RSPO2: variants seen among roughly 807,000 people sequenced by gnomAD.
RSPO2 encodes the protein R-spondin-2.
RSPO2 carries 14 observed loss-of-function variants against 30.9 expected under a neutral mutation model. The ratio of observed to expected loss-of-function variants is 0.45; its 90% CI spans 0.30 to 0.71. The LOEUF (loss-of-function observed/expected upper bound fraction) is 0.71. RSPO2 is among the 30% of genes least tolerant of loss of function. The probability of loss-of-function intolerance (pLI) is 0.08; values close to 1 mark genes in which losing one functional copy is unlikely to be tolerated. For missense variants in RSPO2, 264 were observed against 301.9 expected (o/e 0.87, Z 0.93); for synonymous variants, 107 against 96.4 (o/e 1.11, Z -0.64).
intron 5 of RSPO2, among the ~76,000 whole-genome samples, chr8:107,907,318 C>T (rs971138490): frequency 3.3e-5 from 5 of 151,918 alleles, no homozygotes; most frequent in Admixed American, 1.3e-4. Context: ...CTCTTCTTTT[C>T]ACTAAAAAGA....
At chr8:107,955,427 A>G (rs1813391137) in intron 5 of RSPO2, among the ~76,000 whole-genome samples, 1 of 152,206 alleles carries the variant, frequency 6.6e-6, no homozygotes, top group Non-Finnish European at 1.5e-5. Flanking sequence ...TTGTTGGAAA[A>G]GCCCAAGAAA....
Position 107,901,155 on chromosome 8 carries a change from T to G in RSPO2, c.652A>C (p.Lys218Gln), listed in dbSNP as rs749323272. ...TCTATCAGCTTCCTTTTCTTTTTCTTGTTCCTCTTCTCCTTCGCCTTTGGT... is the reference window on the plus strand; with the variant it reads ...TCTATCAGCTTCCTTTTCTTTTTCTGGTTCCTCTTCTCCTTCGCCTTTGGT... ...RTPKAKEKRNKKKKRKLIERA... is the reference protein window; with the variant it reads ...RTPKAKEKRNQKKKRKLIERA... Residue 218 changes from lysine (K) to glutamine (Q), a missense_variant, in exon 6 of 6, where the codon AAG becomes CAG. Transcript: ENST00000276659. 7.4e-6 allele frequency: 12 copies of G among 1,614,118 alleles called. No individual in the cohort carries two copies. The highest frequency in any genetic ancestry group is 1.0e-5 in the Non-Finnish European group (12 of 1,179,992).
intron 5 of RSPO2, among the ~76,000 whole-genome samples, chr8:107,939,938 A>G (rs1030154258): frequency 3.3e-5 from 5 of 152,146 alleles, no homozygotes; most frequent in Non-Finnish European, 7.4e-5. Context: ...CAGAGGTAAC[A>G]TCAAGGAAAT....
At chr8:108,064,632 A>G (rs1812599459) in intron 2 of RSPO2, among the ~76,000 whole-genome samples, 1 of 152,208 alleles carries the variant, frequency 6.6e-6, no homozygotes, top group Non-Finnish European at 1.5e-5. Context: ...TCAAGGATCT[A>G]GAACTAGAAA....
chr8:108,002,354 T>A (rs931309138), intron 2 of RSPO2, among the ~76,000 whole-genome samples: 2 of 152,220 alleles, frequency 1.3e-5, no homozygotes, highest in African/African-American at 4.8e-5. Flanking sequence ...TTTTGTTCCA[T>A]AAAGTACTTA....
intron 3 of RSPO2, among the ~76,000 whole-genome samples, chr8:107,973,943 T>C (rs1011548129): frequency 6.6e-6 from 1 of 152,188 alleles, no homozygotes; most frequent in African/African-American, 2.4e-5. Context: ...TCTAAATCGA[T>C]TGAGACCTGC....
chr8:107,990,623 A>G (rs758758356), intron 2 of RSPO2, among the ~76,000 whole-genome samples: 1 of 152,200 alleles, frequency 6.6e-6, no homozygotes, highest in Non-Finnish European at 1.5e-5. Flanking sequence ...AAATAGCCAT[A>G]CTGCCCAAAG....
intron 2 of RSPO2, among the ~76,000 whole-genome samples, chr8:107,996,134 G>C (rs1228333217): frequency 6.6e-6 from 1 of 152,126 alleles, no homozygotes; most frequent in East Asian, 1.9e-4. Flanking sequence ...GATGGGAAAA[G>C]CTGGAGAAGA....
chr8:108,026,757 T>C (rs1382993104), intron 2 of RSPO2, among the ~76,000 whole-genome samples: 1 of 151,998 alleles, frequency 6.6e-6, no homozygotes, highest in Non-Finnish European at 1.5e-5. Flanking sequence ...TCCCAGCTAC[T>C]TGGGAGACTG....
intron 5 of RSPO2, among the ~76,000 whole-genome samples, chr8:107,939,967 T>C (rs1812842859): frequency 6.6e-6 from 1 of 152,120 alleles, no homozygotes; most frequent in Non-Finnish European, 1.5e-5. Flanking sequence ...CCAACAGATC[T>C]GAACTGATGC....
At chr8:107,994,404 CAG>C (rs1814946235) in intron 2 of RSPO2, among the ~76,000 whole-genome samples, 1 of 151,416 alleles carries the variant, frequency 6.6e-6, no homozygotes, top group African/African-American at 2.4e-5. Flanking sequence ...TTTTTCCAAA[CAG>C]AAATATCCTA....
intron 2 of RSPO2, among the ~76,000 whole-genome samples, chr8:108,036,069 A>C (rs1310972072): frequency 6.6e-6 from 1 of 152,144 alleles, no homozygotes; most frequent in Non-Finnish European, 1.5e-5. Flanking sequence ...ATTTTTTTGA[A>C]AATTTGGTAG....
chr8:108,033,707 G>A (rs1811503811), intron 2 of RSPO2, among the ~76,000 whole-genome samples: 1 of 152,140 alleles, frequency 6.6e-6, no homozygotes, highest in African/African-American at 2.4e-5. Flanking sequence ...CTCTTGCTAT[G>A]GAGTTTTTAC....
chr8:108,014,656 G>A (rs1810818973), intron 2 of RSPO2, among the ~76,000 whole-genome samples: 1 of 151,860 alleles, frequency 6.6e-6, no homozygotes, highest in African/African-American at 2.4e-5. Context: ...AGAACACATG[G>A]ACACAGGGAG....
At chr8:108,043,259 T>C (rs1811809602) in intron 2 of RSPO2, among the ~76,000 whole-genome samples, 1 of 152,162 alleles carries the variant, frequency 6.6e-6, no homozygotes, top group African/African-American at 2.4e-5. Context: ...ATACTTGCTC[T>C]GTTTACATAG....
chr8:107,978,973 A>T (rs1814322494), intron 3 of RSPO2, among the ~76,000 whole-genome samples: 1 of 152,334 alleles, frequency 6.6e-6, no homozygotes, highest in Non-Finnish European at 1.5e-5. Flanking sequence ...AATCAAAACC[A>T]CAATGAGATA....
chr8:108,005,965 G>C (rs1815440622), intron 2 of RSPO2, among the ~76,000 whole-genome samples: 3 of 152,156 alleles, frequency 2.0e-5, no homozygotes, highest in Admixed American at 2.0e-4. Context: ...AAAACGAAAG[G>C]AGTCACTCAA....
At chr8:108,024,056 C>A (rs1319998623) in intron 2 of RSPO2, among the ~76,000 whole-genome samples, 1 of 151,944 alleles carries the variant, frequency 6.6e-6, no homozygotes, top group Non-Finnish European at 1.5e-5. Flanking sequence ...TACGGTGTGT[C>A]CCTGTATTTA....
At chr8:107,963,196 G>C (rs1586582601) in intron 3 of RSPO2, among the ~76,000 whole-genome samples, 1 of 150,490 alleles carries the variant, frequency 6.6e-6, no homozygotes, top group East Asian at 2.0e-4. Context: ...ACAAGGTGAA[G>C]TATAAGTAAT....
Sources: gnomAD v4.1 joint callset for allele counts (sites outside exome capture counted in the v4.1 genomes callset) on GRCh38, gnomAD v4.1.1 for gene constraint, MANE v1.5 for transcripts, NCBI Gene and HGNC (gene_info 2026-07-23, HGNC 2026-07-21) for gene names.